The following STK3 variants were observed in gnomAD, a reference collection of about 807,000 sequenced individuals.
The protein encoded by STK3 is serine/threonine kinase 3, also known as serine/threonine-protein kinase 3.
STK3 carries 41 observed loss-of-function variants against 58.0 expected under a neutral mutation model. That is an observed-to-expected ratio of 0.71 (90% CI 0.55 to 0.92). STK3 has a LOEUF of 0.92. Among genes scored for constraint, STK3 ranks in the 40% least tolerant of loss-of-function variants. The pLI is 0.00. For synonymous variants in STK3, 170 were observed against 191.0 expected, an observed-to-expected ratio of 0.89 and a Z score of 0.91; for missense variants, 479 against 602.7, an observed-to-expected ratio of 0.79 and a Z score of 2.15.
the STK3 span, among the ~76,000 whole-genome samples, chr8:98,354,853 A>G: frequency 6.6e-6 from 1 of 152,072 alleles, no homozygotes; most frequent in Non-Finnish European, 1.5e-5. Context: ...TCTCGCCTCA[A>G]TGCAACCTCC....
At chr8:98,510,719 G>A (rs1484331369) in intron 10 of STK3, among the ~76,000 whole-genome samples, 2 of 152,024 alleles carry the variant, frequency 1.3e-5, no homozygotes, top group Admixed American at 1.3e-4. Flanking sequence ...GCTGGGAACA[G>A]GAAAAATGCT....
intron 6 of STK3, among the ~76,000 whole-genome samples, chr8:98,617,647 C>T (rs1410980916): frequency 2.0e-5 from 3 of 151,984 alleles, no homozygotes; most frequent in Non-Finnish European, 2.9e-5. Context: ...ACCGATCCCA[C>T]AGAAATACAA....
At chr8:98,644,000 C>A (rs1820215255) in intron 6 of STK3, among the ~76,000 whole-genome samples, 1 of 151,948 alleles carries the variant, frequency 6.6e-6, no homozygotes, top group Non-Finnish European at 1.5e-5. Flanking sequence ...AGGCAACAGA[C>A]AAAGACCCCA....
At chr8:98,636,564 A>G (rs1478400492) in intron 6 of STK3, among the ~76,000 whole-genome samples, 2 of 152,156 alleles carry the variant, frequency 1.3e-5, no homozygotes, top group Admixed American at 1.3e-4. Context: ...TTCAAGAAAT[A>G]TGTGTTAAAG....
At chr8:98,668,329 T>C (rs953056601) in intron 6 of STK3, among the ~76,000 whole-genome samples, 4 of 152,178 alleles carry the variant, frequency 2.6e-5, no homozygotes, top group East Asian at 3.8e-4. Context: ...TCCTTTTATC[T>C]TGACTGTGAA....
At chr8:98,678,210 T>G (rs995243937) in intron 6 of STK3, among the ~76,000 whole-genome samples, 4 of 152,116 alleles carry the variant, frequency 2.6e-5, no homozygotes, top group Non-Finnish European at 5.9e-5. Context: ...ACAAATGCAA[T>G]TAAATATCAG....
chr8:98,722,836 G>C (rs776461372), intron 4 of STK3: 2 of 480,832 alleles, frequency 4.2e-6, no homozygotes, highest in East Asian at 1.2e-4. Context: ...CACCAAGAGG[G>C]AGAAAACACA....
At chr8:98,458,337 T>C (rs1819668937) in intron 10 of STK3, among the ~76,000 whole-genome samples, 1 of 152,204 alleles carries the variant, frequency 6.6e-6, no homozygotes, top group East Asian at 1.9e-4. Flanking sequence ...ATTTGTGTCA[T>C]GCATGATTTC....
intron 8 of STK3, among the ~76,000 whole-genome samples, chr8:98,574,998 C>T (rs904297295): frequency 1.3e-5 from 2 of 151,940 alleles, no homozygotes; most frequent in Non-Finnish European, 2.9e-5. Flanking sequence ...CCTGACCCAC[C>T]ATTGTACATT....
At chr8:98,788,600 G>A (rs925937150) in intron 1 of STK3, among the ~76,000 whole-genome samples, 4 of 152,014 alleles carry the variant, frequency 2.6e-5, no homozygotes, top group African/African-American at 9.7e-5. Flanking sequence ...CCATGCAAAT[G>A]GACACCAAAA....
intron 3 of STK3, among the ~76,000 whole-genome samples, chr8:98,424,681 G>A (rs1020854046): frequency 9.2e-5 from 14 of 152,150 alleles, no homozygotes; most frequent in African/African-American, 3.1e-4. Context: ...AGAAGGAGGC[G>A]GGCAGATACA....
intron 3 of STK3, among the ~76,000 whole-genome samples, chr8:98,831,284 T>C (rs974340039): frequency 6.6e-6 from 1 of 152,194 alleles, no homozygotes; most frequent in African/African-American, 2.4e-5. Context: ...ACTACAACTT[T>C]GTATTTCTCT....
At chr8:98,556,796 G>T (rs1237424461) in intron 8 of STK3, among the ~76,000 whole-genome samples, 1 of 152,038 alleles carries the variant, frequency 6.6e-6, no homozygotes, top group African/African-American at 2.4e-5. Flanking sequence ...ACTAAAAAGG[G>T]TCATATAGTA....
intron 6 of STK3, among the ~76,000 whole-genome samples, chr8:98,678,473 T>C (rs1823385758): frequency 6.6e-6 from 1 of 152,126 alleles, no homozygotes. Flanking sequence ...TAATGACTAG[T>C]AATGGCTTCT....
At chr8:98,760,757 A>C (rs1830567712) in intron 3 of STK3, among the ~76,000 whole-genome samples, 1 of 150,632 alleles carries the variant, frequency 6.6e-6, no homozygotes, top group African/African-American at 2.5e-5. Context: ...CTCTCATCTC[A>C]TACCTAATGA....
chr8:98,457,082 C>T (rs775393417), intron 10 of STK3, among the ~76,000 whole-genome samples: 2 of 152,184 alleles, frequency 1.3e-5, no homozygotes, highest in Non-Finnish European at 2.9e-5. Flanking sequence ...AAGGTGAATG[C>T]CACTCACTTC....
At chr8:98,887,137 T>C (rs1051475770) in intron 1 of STK3, among the ~76,000 whole-genome samples, 2 of 152,108 alleles carry the variant, frequency 1.3e-5, no homozygotes, top group Non-Finnish European at 2.9e-5. Context: ...TTACTTATAA[T>C]ACCTAATACA....
At chr8:98,495,706 A>G (rs1823077244) in intron 10 of STK3, among the ~76,000 whole-genome samples, 1 of 152,154 alleles carries the variant, frequency 6.6e-6, no homozygotes, top group South Asian at 2.1e-4. Context: ...TGCAATAGCA[A>G]TTTTCCAAAT....
At chr8:98,903,557 C>CTTCTTTT (rs1564093746) in intron 1 of STK3, among the ~76,000 whole-genome samples, 5 of 9,926 alleles carry the variant, frequency 5.0e-4, no homozygotes, top group African/African-American at 7.0e-4. Flanking sequence ...CTTCTTCTTC[C>CTTCTTTT]TTTTTTTTTT....
Sources: allele counts gnomAD v4.1 joint callset (sites outside exome capture counted in the v4.1 genomes callset), GRCh38; gene constraint gnomAD v4.1.1; transcripts MANE v1.5; gene names NCBI Gene and HGNC (gene_info 2026-07-23, HGNC 2026-07-21).